LMBR1: variants seen among roughly 807,000 people sequenced by gnomAD.
LMBR1 encodes the protein limb region 1 protein homolog.
A neutral mutation model predicts 73.9 loss-of-function variants in LMBR1; 52 were observed. That is an observed-to-expected ratio of 0.70 (90% confidence interval 0.56 to 0.89). LMBR1 has a LOEUF of 0.89. Among genes scored for constraint, LMBR1 ranks in the 40% least tolerant of loss-of-function variants. LMBR1 has a pLI of 0.00. For missense variants in LMBR1, 539 were observed against 579.8 expected, an observed-to-expected ratio of 0.93 and a Z score of 0.72; for synonymous variants, 215 against 209.4, an observed-to-expected ratio of 1.03 and a Z score of -0.23.
At chr7:156,721,891 AAT>A (rs1316810244) in intron 15 of LMBR1, among the ~76,000 whole-genome samples, 1 of 152,138 alleles carries the variant, frequency 6.6e-6, no homozygotes, top group African/African-American at 2.4e-5. Context: ...TTATTTAATA[AAT>A]ATGTCATATC....
chr7:156,694,278 G>A (rs549118491), intron 15 of LMBR1, among the ~76,000 whole-genome samples: 182 of 152,080 alleles, frequency 1.2e-3, no homozygotes, highest in Non-Finnish European at 1.9e-3. Flanking sequence ...GACTATAGGC[G>A]CATGCCACCA....
intron 9 of LMBR1, 56 bp from the exon 10 acceptor site, chr7:156,734,313 A>G (rs1021995808): frequency 7.4e-6 from 8 of 1,079,894 alleles, no homozygotes; most frequent in Non-Finnish European, 1.1e-5. Flanking sequence ...ACTATAGAAC[A>G]GGTAGCCCTT....
intron 1 of LMBR1, chr7:156,872,185 G>A (rs1314950828): frequency 2.6e-5 from 4 of 151,854 alleles, no homozygotes; most frequent in African/African-American, 9.7e-5. Flanking sequence ...GTAATGCAGT[G>A]AGCACTGGCA....
At chr7:156,838,660 A>G (rs1423591178) in intron 1 of LMBR1, among the ~76,000 whole-genome samples, 1 of 152,224 alleles carries the variant, frequency 6.6e-6, no homozygotes, top group African/African-American at 2.4e-5. Flanking sequence ...ACTATTGTGA[A>G]CAGTGCTGTC....
intron 4 of LMBR1, among the ~76,000 whole-genome samples, chr7:156,816,897 T>C (rs200743807): frequency 6.6e-6 from 1 of 152,156 alleles, no homozygotes; most frequent in Non-Finnish European, 1.5e-5. Context: ...AACACATATA[T>C]TTCATTATAC....
At chr7:156,870,057 AAT>A (rs1799042954) in intron 1 of LMBR1, among the ~76,000 whole-genome samples, 1 of 152,244 alleles carries the variant, frequency 6.6e-6, no homozygotes, top group Non-Finnish European at 1.5e-5. Context: ...AGAGTACATA[AAT>A]ATATAAAGCA....
intron 1 of LMBR1, among the ~76,000 whole-genome samples, chr7:156,887,226 G>A (rs1802053965): frequency 6.6e-6 from 1 of 152,180 alleles, no homozygotes; most frequent in Admixed American, 6.5e-5. Flanking sequence ...AGCACTTTGG[G>A]AGGCCGAGGC....
At chr7:156,729,420 T>G (rs1432198241) in intron 10 of LMBR1, among the ~76,000 whole-genome samples, 4 of 150,494 alleles carry the variant, frequency 2.7e-5, no homozygotes, top group African/African-American at 4.9e-5. Context: ...TACATATTGA[T>G]ATATATATAT....
At chr7:156,692,699 A>C (rs975524872) in intron 15 of LMBR1, among the ~76,000 whole-genome samples, 4 of 152,170 alleles carry the variant, frequency 2.6e-5, no homozygotes, top group Non-Finnish European at 4.4e-5. Flanking sequence ...CATCTCCCTA[A>C]GTTCATGAGA....
At chr7:156,694,957 A>C (rs1378146698) in intron 15 of LMBR1, among the ~76,000 whole-genome samples, 1 of 151,732 alleles carries the variant, frequency 6.6e-6, no homozygotes, top group Admixed American at 6.6e-5. Flanking sequence ...CATGTAAAAG[A>C]CTCAATATTG....
chr7:156,718,920 T>C (rs1238225650), intron 15 of LMBR1, among the ~76,000 whole-genome samples: 2 of 152,106 alleles, frequency 1.3e-5, no homozygotes, highest in African/African-American at 2.4e-5. Flanking sequence ...AGGTAAGACC[T>C]GAAACTGTAA....
At chr7:156,857,209 GAGAC>G (rs1222663568) in intron 1 of LMBR1, among the ~76,000 whole-genome samples, 5 of 151,914 alleles carry the variant, frequency 3.3e-5, no homozygotes, top group African/African-American at 1.2e-4. Flanking sequence ...CCAATTAAAA[GAGAC>G]AGAGTGGATA....
At chr7:156,730,661 A>C (rs938497045) in intron 10 of LMBR1, among the ~76,000 whole-genome samples, 1 of 152,202 alleles carries the variant, frequency 6.6e-6, no homozygotes, top group African/African-American at 2.4e-5. Context: ...AAAAGAGGCC[A>C]GGCACGGTGG....
intron 12 of LMBR1, 27 bp from the exon 13 acceptor site, chr7:156,725,864 G>A: frequency 6.4e-7 from 1 of 1,558,202 alleles, no homozygotes; most frequent in South Asian, 1.1e-5. Flanking sequence ...ACACTTTTCA[G>A]AATTTGATGA....
At chr7:156,803,050 A>G (rs1831298067) in intron 4 of LMBR1, among the ~76,000 whole-genome samples, 1 of 152,188 alleles carries the variant, frequency 6.6e-6, no homozygotes, top group Admixed American at 6.5e-5. Flanking sequence ...TAAAAACCCT[A>G]GAAGAAACCC....
intron 15 of LMBR1, among the ~76,000 whole-genome samples, chr7:156,713,205 G>C (rs1012217905): frequency 1.3e-5 from 2 of 152,172 alleles, no homozygotes; most frequent in African/African-American, 4.8e-5. Context: ...TACTGAGACA[G>C]TAAGAAGATT....
chr7:156,725,552 C>G, intron 13 of LMBR1, 27 bp from the exon 14 acceptor site: 1 of 1,489,126 alleles, frequency 6.7e-7, no homozygotes, highest in Non-Finnish European at 9.2e-7. Flanking sequence ...AAAAAACTCT[C>G]CAACAGAATG....
chr7:156,701,644 T>C lies in LMBR1; in HGVS notation c.1226-13453A>G, dbSNP rs1162102508. On this transcript the variant is annotated intron_variant, in intron 15 of 16. Transcript: ENST00000353442. ...ATGGTACAACCACTCTTTTCAAAAA[T>C]TGAATTTTATTTTAAGTTCTGGGAT... 5.9e-5 allele frequency among the ~76,000 whole-genome samples: 9 copies of C among 152,190 alleles called. No individual in the cohort carries two copies. The South Asian group carries it at 8.3e-4, about 14-fold the overall frequency.
At chr7:156,872,886 G>A (rs562867812) in intron 1 of LMBR1, among the ~76,000 whole-genome samples, 53 of 152,296 alleles carry the variant, frequency 3.5e-4, no homozygotes, top group Admixed American at 9.8e-4. Flanking sequence ...AAGACGCTCT[G>A]AAAGAAGCAG....
Sources: gnomAD v4.1 joint callset for allele counts (sites outside exome capture counted in the v4.1 genomes callset) on GRCh38, gnomAD v4.1.1 for gene constraint, MANE v1.5 for transcripts, NCBI Gene and HGNC (gene_info 2026-07-23, HGNC 2026-07-21) for gene names.